The following ARHGEF12 variants were observed in gnomAD, a reference collection of about 807,000 sequenced individuals.
ARHGEF12 encodes KMT2A/ARHGEF12 fusion protein.
ARHGEF12 carries 66 observed loss-of-function variants against 211.2 expected under a neutral mutation model. The observed-to-expected ratio is 0.31, with a 90% CI of 0.26 to 0.38. The LOEUF is 0.38. ARHGEF12 is among the 10% of genes least tolerant of loss of function. The probability of loss-of-function intolerance (pLI) is 1.00; values close to 1 mark genes in which losing one functional copy is unlikely to be tolerated. For synonymous variants in ARHGEF12, 592 were observed against 638.4 expected (o/e 0.93, Z 1.09); for missense variants, 1,429 against 1,869.5 (o/e 0.76, Z 4.34).
At chr11:120,353,064 G>A (rs1943031508) in intron 1 of ARHGEF12, among the ~76,000 whole-genome samples, 1 of 152,138 alleles carries the variant, frequency 6.6e-6, no homozygotes, top group Non-Finnish European at 1.5e-5. Flanking sequence ...CATCCCTTTA[G>A]GAACCATCAA....
chr11:120,478,193 A>G lies in ARHGEF12; in HGVS notation c.3570A>G (p.Ser1190=). ...GATTAGAATCTACCTTAATATCGTC[A>G]AAACCTCAGTCTCATTCACTGAGTA... is the stretch of plus-strand genomic sequence containing the variant. ...DLGLESTLIS[S]KPQSHSLSTS... The change falls in exon 37 of 41, where the codon TCA becomes TCG. Residue 1190 remains serine (S), a synonymous_variant. Transcript: ENST00000397843. 6.2e-7 allele frequency: 1 copy of G among 1,614,082 alleles called. No homozygotes were observed. The highest frequency in any genetic ancestry group is 8.5e-7 in the Non-Finnish European group (1 of 1,180,004).
chr11:120,376,472 C>T (rs1943726941), intron 1 of ARHGEF12, among the ~76,000 whole-genome samples: 1 of 152,038 alleles, frequency 6.6e-6, no homozygotes, highest in South Asian at 2.1e-4. Context: ...AAAAAATAGA[C>T]TGAGATATAA....
In ARHGEF12 at chr11:120,421,965, T is replaced by C. The variant is rs190745148; in HGVS notation, c.348+113T>C. ...ATAAAAAGCATCATACTTCTATGTA[T>C]GATAGATCTGTTGACTATACAAACT... is the stretch of plus-strand genomic sequence containing the variant. On this transcript the variant is annotated intron_variant, in intron 6 of 40. Coordinates refer to ENST00000397843, the MANE Select transcript of ARHGEF12 (RefSeq NM_015313.3). The C allele has an allele frequency of 8.9e-4, 660 of 742,336 alleles. 4 individuals are homozygous for C. In the African/African-American group the frequency reaches 0.011, roughly 12 times the overall value. 46.0% of individuals were successfully genotyped at this position (742,336 alleles called of 1,614,324 possible). A position where few individuals can be genotyped will look rare whatever the true frequency, so the allele number is the denominator to read the frequency against.
At chr11:120,398,513 C>G (rs1339300676) in intron 1 of ARHGEF12, among the ~76,000 whole-genome samples, 1 of 152,082 alleles carries the variant, frequency 6.6e-6, no homozygotes, top group Non-Finnish European at 1.5e-5. Flanking sequence ...AATCAGAGGT[C>G]CTTTTATCGA....
chr11:120,470,001 C>T (rs1946822731), intron 30 of ARHGEF12, among the ~76,000 whole-genome samples: 1 of 152,170 alleles, frequency 6.6e-6, no homozygotes, highest in African/African-American at 2.4e-5. Flanking sequence ...AAAAAGAAAG[C>T]ATGGTCTGTT....
At chr11:120,376,598 A>G (rs1358500904) in intron 1 of ARHGEF12, among the ~76,000 whole-genome samples, 3 of 152,180 alleles carry the variant, frequency 2.0e-5, no homozygotes, top group African/African-American at 7.2e-5. Flanking sequence ...TAATCACACT[A>G]AGGTAAATGG....
In ARHGEF12 at chr11:120,457,724, G is replaced by A; in HGVS notation, c.2193G>A (p.Val731=). 6.2e-7 allele frequency: 1 copy of A among 1,606,932 alleles called. No homozygotes were observed. Among genetic ancestry groups the A allele is most frequent in the Non-Finnish European group, 8.5e-7 (1 of 1,176,678 alleles). ...TCTTTACTTTCCATTGTTTTAGGGT[G>A]ACTGAACATGGGACACCAAAGCCCT... ...VQEEECEVER[V]TEHGTPKPFR... The change falls in exon 24 of 41, where the codon GTG becomes GTA. Residue 731 remains valine, a synonymous_variant. Coordinates refer to ENST00000397843, the MANE Select transcript of ARHGEF12 (RefSeq NM_015313.3).
chr11:120,456,104 G>A (rs1323706200), intron 22 of ARHGEF12, among the ~76,000 whole-genome samples: 2 of 152,170 alleles, frequency 1.3e-5, no homozygotes, highest in African/African-American at 4.8e-5. Flanking sequence ...GTATATATAT[G>A]TCATAAGCAT....
rs71050738 is a variant in ARHGEF12, at chr11:120,347,132, TTTCCTTCC to T, written c.32+9904_32+9911del. 1.6e-3 allele frequency among the ~76,000 whole-genome samples: 184 copies of T among 115,590 alleles called. 4 individuals carry two copies. Among genetic ancestry groups the T allele is most frequent in the Admixed American group, 2.0e-3 (23 of 11,548 alleles). 75.8% of individuals were successfully genotyped at this position (115,590 alleles called of 152,430 possible). ...TCCAGCCTCTCCCTTTCTTTCTTTC[TTTCCTTCC>T]TTCCTTCCTTCCTTCCTTCCTTCCT... On this transcript the variant is annotated intron_variant, in intron 1 of 40. Transcript: ENST00000397843.
At chr11:120,442,447 CACACACACATATATAT>C (rs1945903948) in intron 15 of ARHGEF12, among the ~76,000 whole-genome samples, 2 of 141,928 alleles carry the variant, frequency 1.4e-5, no homozygotes, top group Non-Finnish European at 3.1e-5. Context: ...CACACACACA[CACACACACATATATAT>C]ACACACACAC....
intron 28 of ARHGEF12, 111 bp downstream of exon 28, chr11:120,465,473 CTTT>C: frequency 8.9e-7 from 1 of 1,129,282 alleles, no homozygotes; most frequent in Non-Finnish European, 1.2e-6. Flanking sequence ...TCTGTGTTAA[CTTT>C]TTTTTTTTGA....
chr11:120,472,477 T>C (rs1946897041), intron 30 of ARHGEF12, among the ~76,000 whole-genome samples: 1 of 152,096 alleles, frequency 6.6e-6, no homozygotes, highest in Non-Finnish European at 1.5e-5. Context: ...ACTGTGTGCA[T>C]GATTTACATA....
chr11:120,359,042 G>A (rs946452800), intron 1 of ARHGEF12, among the ~76,000 whole-genome samples: 1 of 152,136 alleles, frequency 6.6e-6, no homozygotes, highest in Admixed American at 6.5e-5. Flanking sequence ...GGATGTGTGA[G>A]GCAGCTGGCT....
intron 1 of ARHGEF12, among the ~76,000 whole-genome samples, chr11:120,349,287 T>C (rs1470006084): frequency 1.3e-5 from 2 of 152,166 alleles, no homozygotes; most frequent in Non-Finnish European, 2.9e-5. Flanking sequence ...CAATTCTGTT[T>C]CCAAAAATAG....
At position 120,442,087 on chromosome 11, in the gene ARHGEF12, T is replaced by A; in HGVS notation, c.1204-17T>A. 6.5e-7 allele frequency: 1 copy of A among 1,543,892 alleles called. No individual in the cohort carries two copies. The highest frequency in any genetic ancestry group is 8.8e-7 in the Non-Finnish European group (1 of 1,136,748). Reference sequence around the variant, plus strand: ...TGGTTCCTCATTTTGTCTTTTTCATTCCTTTCTCCACTACAGCTCTGTTAT... The same window carrying A: ...TGGTTCCTCATTTTGTCTTTTTCATACCTTTCTCCACTACAGCTCTGTTAT... On this transcript the variant is annotated splice_polypyrimidine_tract_variant and intron_variant, in intron 14 of 40. Coordinates refer to ENST00000397843, the MANE Select transcript of ARHGEF12 (RefSeq NM_015313.3).
At chr11:120,434,214 T>A (rs1945630219) in intron 11 of ARHGEF12, among the ~76,000 whole-genome samples, 1 of 152,200 alleles carries the variant, frequency 6.6e-6, no homozygotes, top group Admixed American at 6.5e-5. Flanking sequence ...GTGTGCTGAA[T>A]GGATAATAGT....
intron 1 of ARHGEF12, among the ~76,000 whole-genome samples, chr11:120,361,224 G>A (rs1030401953): frequency 6.6e-6 from 1 of 152,230 alleles, no homozygotes; most frequent in South Asian, 2.1e-4. Context: ...CTGCCAGGGC[G>A]AAAGAGCATT....
intron 11 of ARHGEF12, among the ~76,000 whole-genome samples, chr11:120,432,643 A>G (rs1038233073): frequency 2.6e-5 from 4 of 152,148 alleles, no homozygotes; most frequent in African/African-American, 7.2e-5. Context: ...TGTGGGTTGT[A>G]TTTCTTTTTT....
In ARHGEF12 at chr11:120,420,848, G is replaced by C; in HGVS notation, c.295G>C (p.Glu99Gln). 1 of 1,613,582 alleles carries C rather than the reference G, an allele frequency of 6.2e-7. No individual in the cohort carries two copies. The highest frequency in any genetic ancestry group is 8.5e-7 in the Non-Finnish European group (1 of 1,179,590). ...TCCAGTCTTCGTACAGTCTGTCAAA[G>C]AAGGCAAGGCATTTTAAAAAACAAT... ...DNPVFVQSVK[E>Q]DGAAMRAGVQ... The change falls in exon 5 of 41, where the codon GAA becomes CAA. Residue 99 changes from glutamate to glutamine, a missense_variant. Glu to Gln is a conservative substitution (Grantham distance 29, BLOSUM62 2). This residue lies in a region of ARHGEF12 where 60 missense variants were observed against 121.0 expected (regional missense o/e 0.50). Transcript: ENST00000397843.
Sources: gnomAD v4.1 joint callset for allele counts (sites outside exome capture counted in the v4.1 genomes callset) on GRCh38, gnomAD v4.1.1 for gene constraint, gnomAD v4.1.1 regional missense constraint, MANE v1.5 for transcripts, NCBI Gene and HGNC (gene_info 2026-07-23, HGNC 2026-07-21) for gene names.